Variants in RBKS observed in about 807,000 individuals in gnomAD.
RBKS encodes ribokinase.
In RBKS, 33 loss-of-function variants were observed where a neutral mutation model predicts 33.9. That is an observed-to-expected ratio of 0.97 (90% CI 0.74 to 1.30). The LOEUF is 1.30. RBKS is among the 50% of genes most tolerant of loss of function. The pLI is 0.00. For synonymous variants in RBKS, 125 were observed against 143.0 expected (o/e 0.87, Z 0.90); for missense variants, 361 against 392.6 (o/e 0.92, Z 0.68).
chr2:27,852,729 A>C (rs1663774793), intron 2 of RBKS, among the ~76,000 whole-genome samples: 1 of 152,234 alleles, frequency 6.6e-6, no homozygotes, highest in Non-Finnish European at 1.5e-5. Flanking sequence ...TCTGCTCAAG[A>C]AGTTATCACA....
chr2:27,790,311 A>T (rs1183376408), intron 7 of RBKS, among the ~76,000 whole-genome samples: 1 of 152,180 alleles, frequency 6.6e-6, no homozygotes, highest in Non-Finnish European at 1.5e-5. Context: ...CAATTAACTC[A>T]AAATGGGTCA....
intron 1 of RBKS, among the ~76,000 whole-genome samples, chr2:27,859,380 AT>A (rs1241504248): frequency 6.6e-6 from 1 of 152,194 alleles, no homozygotes; most frequent in Non-Finnish European, 1.5e-5. Context: ...CAATACCTTC[AT>A]CAGCTTCTCT....
At chr2:27,883,785 T>C (rs1382769093) in intron 1 of RBKS, among the ~76,000 whole-genome samples, 1 of 151,368 alleles carries the variant, frequency 6.6e-6, no homozygotes, top group Non-Finnish European at 1.5e-5. Context: ...GGTCTTAAAC[T>C]CCTGGGTTCA....
At chr2:27,796,148 C>T (rs1017606022) in intron 7 of RBKS, among the ~76,000 whole-genome samples, 6 of 152,218 alleles carry the variant, frequency 3.9e-5, no homozygotes, top group Non-Finnish European at 8.8e-5. Flanking sequence ...ATTTATACCA[C>T]AAAGCTTTCA....
chr2:27,784,384 T>C (rs890790644), intron 7 of RBKS, among the ~76,000 whole-genome samples: 2 of 152,186 alleles, frequency 1.3e-5, no homozygotes, highest in Admixed American at 6.5e-5. Context: ...TAAAGAACCT[T>C]GGCATGCAAG....
At chr2:27,847,987 C>T in intron 3 of RBKS, 47 bp downstream of exon 3, 2 of 1,079,424 alleles carry the variant, frequency 1.9e-6, no homozygotes, top group South Asian at 2.8e-5. Flanking sequence ...AACAAAATCA[C>T]AGAAAAAAGC....
At chr2:27,789,845 GA>G (rs1256747180) in intron 7 of RBKS, among the ~76,000 whole-genome samples, 1 of 149,982 alleles carries the variant, frequency 6.7e-6, no homozygotes. Context: ...TTACAGGCGT[GA>G]ACCACCATGC....
At chr2:27,829,976 G>A (rs1009137490) in intron 6 of RBKS, among the ~76,000 whole-genome samples, 1 of 152,026 alleles carries the variant, frequency 6.6e-6, no homozygotes, top group African/African-American at 2.4e-5. Context: ...GCTCCAGTCC[G>A]CTATAAATGG....
At chr2:27,873,911 C>G (rs1664264295) in intron 1 of RBKS, among the ~76,000 whole-genome samples, 1 of 151,720 alleles carries the variant, frequency 6.6e-6, no homozygotes, top group Non-Finnish European at 1.5e-5. Flanking sequence ...ATTTAGAAAA[C>G]ACATCAACCA....
chr2:27,807,868 A>G lies in RBKS; in HGVS notation c.795+19699T>C, dbSNP rs114031902. ...AAAAAATGAACTACATTAGGTACTTAAGCTGGGAGAAAGTCAATCCTTCAT... is the reference window on the plus strand; with the variant it reads ...AAAAAATGAACTACATTAGGTACTTGAGCTGGGAGAAAGTCAATCCTTCAT... On this transcript the variant is annotated intron_variant, in intron 7 of 7. Transcript: ENST00000302188. 9.5e-3 allele frequency among the ~76,000 whole-genome samples: 1,448 copies of G among 152,338 alleles called. 13 individuals are homozygous for G. Among genetic ancestry groups the G allele is most frequent in the Non-Finnish European group, 0.016 (1,116 of 68,028 alleles).
chr2:27,878,818 A>C (rs1017148970), intron 1 of RBKS, among the ~76,000 whole-genome samples: 8 of 152,154 alleles, frequency 5.3e-5, no homozygotes, highest in African/African-American at 1.9e-4. Context: ...TTTTGGCTGC[A>C]TAAATGTCTT....
chr2:27,807,075 G>A (rs140448791), intron 7 of RBKS, among the ~76,000 whole-genome samples: 10 of 152,262 alleles, frequency 6.6e-5, no homozygotes, highest in African/African-American at 2.2e-4. Flanking sequence ...AACAAGATCG[G>A]CTCTGGCAGA....
intron 7 of RBKS, among the ~76,000 whole-genome samples, chr2:27,802,080 C>T (rs1194608828): frequency 3.6e-5 from 5 of 139,064 alleles, no homozygotes; most frequent in Admixed American, 7.6e-5. Context: ...TCAGGCAATC[C>T]ACCTGCCTTT....
intron 7 of RBKS, among the ~76,000 whole-genome samples, chr2:27,817,338 A>G (rs1024381734): frequency 3.9e-5 from 6 of 152,232 alleles, no homozygotes; most frequent in Admixed American, 3.3e-4. Flanking sequence ...AAAGAAATGT[A>G]ATAAAAAAAT....
intron 7 of RBKS, among the ~76,000 whole-genome samples, chr2:27,789,867 GAT>G (rs1677473464): frequency 2.2e-5 from 3 of 138,114 alleles, no homozygotes; most frequent in Admixed American, 7.1e-5. Flanking sequence ...CTGGCCAGCT[GAT>G]GTGTGTGTGT....
chr2:27,855,401 T>C (rs1663837043), intron 2 of RBKS, among the ~76,000 whole-genome samples: 2 of 152,226 alleles, frequency 1.3e-5, no homozygotes, highest in South Asian at 4.1e-4. Context: ...TCTGTGCTCA[T>C]ACTGGGCCAG....
chr2:27,809,811 C>G (rs1677958945), intron 7 of RBKS: 1 of 590,444 alleles, frequency 1.7e-6, no homozygotes, highest in Admixed American at 3.9e-5. Flanking sequence ...GATTATTAAA[C>G]AGCAAAGGCA....
At chr2:27,793,334 C>A (rs938484063) in intron 7 of RBKS, among the ~76,000 whole-genome samples, 1 of 151,980 alleles carries the variant, frequency 6.6e-6, no homozygotes, top group Non-Finnish European at 1.5e-5. Context: ...TAAATAATCC[C>A]CCCACAGATT....
intron 7 of RBKS, among the ~76,000 whole-genome samples, chr2:27,807,345 C>T (rs898751563): frequency 1.3e-5 from 2 of 152,194 alleles, no homozygotes; most frequent in Admixed American, 1.3e-4. Context: ...TAGTGATTTA[C>T]AACAGCTGAA....
Sources: gnomAD v4.1 joint callset for allele counts (sites outside exome capture counted in the v4.1 genomes callset) on GRCh38, gnomAD v4.1.1 for gene constraint, MANE v1.5 for transcripts, NCBI Gene and HGNC (gene_info 2026-07-23, HGNC 2026-07-21) for gene names.